Variants in CNTN4 observed in about 807,000 individuals in gnomAD.
CNTN4 encodes the protein contactin-4.
A neutral mutation model predicts 122.5 loss-of-function variants in CNTN4; 77 were observed. The observed-to-expected ratio is 0.63, with a 90% CI of 0.52 to 0.76. The LOEUF (loss-of-function observed/expected upper bound fraction) is 0.76, where lower values mean the gene tolerates loss of function less well. CNTN4 is among the 30% of genes least tolerant of loss of function. CNTN4 has a pLI of 0.00. For synonymous variants in CNTN4, 512 were observed against 447.0 expected, an observed-to-expected ratio of 1.15 and a Z score of -1.83; for missense variants, 1,256 against 1,259.1, an observed-to-expected ratio of 1.00 and a Z score of 0.04.
intron 14 of CNTN4, among the ~76,000 whole-genome samples, chr3:2,994,613 A>ATATATATGTG (rs370506181): frequency 3.5e-5 from 5 of 142,158 alleles, no homozygotes; most frequent in African/African-American, 1.0e-4. Context: ...ATATATATAT[A>ATATATATGTG]TGTGTGTATA....
chr3:2,199,713 C>T (rs1206448544), intron 2 of CNTN4, among the ~76,000 whole-genome samples: 1 of 152,110 alleles, frequency 6.6e-6, no homozygotes, highest in Non-Finnish European at 1.5e-5. Context: ...AGAAGACAGA[C>T]AGTAAATAAC....
At chr3:2,690,674 G>A (rs111570143) in intron 4 of CNTN4, among the ~76,000 whole-genome samples, 1 of 152,066 alleles carries the variant, frequency 6.6e-6, no homozygotes, top group South Asian at 2.1e-4. Flanking sequence ...GCCTATGGGG[G>A]CAAATCCTGA....
At chr3:2,848,866 G>A (rs192942275) in intron 7 of CNTN4, among the ~76,000 whole-genome samples, 2 of 152,242 alleles carry the variant, frequency 1.3e-5, no homozygotes, top group East Asian at 3.9e-4. Context: ...TGATTGGGCA[G>A]CCAGACGACA....
At chr3:2,270,845 A>T (rs1277659117) in intron 2 of CNTN4, among the ~76,000 whole-genome samples, 1 of 152,088 alleles carries the variant, frequency 6.6e-6, no homozygotes, top group Non-Finnish European at 1.5e-5. Context: ...CTGCCTCCCG[A>T]TGTGCAGTTG....
chr3:2,206,113 C>T (rs62247010), intron 2 of CNTN4, among the ~76,000 whole-genome samples: 1,636 of 152,040 alleles, frequency 0.011, 21 homozygotes, highest in Non-Finnish European at 0.018. Context: ...TTCCATGGAC[C>T]TTCTCCTCTT....
At chr3:2,837,410 G>T (rs1023368510) in intron 7 of CNTN4, among the ~76,000 whole-genome samples, 1 of 152,116 alleles carries the variant, frequency 6.6e-6, no homozygotes, top group Admixed American at 6.6e-5. Flanking sequence ...AAAATGCCTG[G>T]ATTGGCAGTA....
intron 4 of CNTN4, among the ~76,000 whole-genome samples, chr3:2,607,081 T>C (rs2081289443): frequency 6.6e-6 from 1 of 152,182 alleles, no homozygotes; most frequent in South Asian, 2.1e-4. Context: ...ACTTCTCTTG[T>C]TGAGTATTTG....
chr3:2,671,703 T>TC (rs1199416104), intron 4 of CNTN4, among the ~76,000 whole-genome samples: 1 of 152,154 alleles, frequency 6.6e-6, no homozygotes, highest in African/African-American at 2.4e-5. Context: ...CTCTGTTTTT[T>TC]CCCCATCTTT....
intron 7 of CNTN4, among the ~76,000 whole-genome samples, chr3:2,825,396 G>T (rs1392882370): frequency 6.6e-6 from 1 of 151,924 alleles, no homozygotes; most frequent in Non-Finnish European, 1.5e-5. Flanking sequence ...GCTAATTTTT[G>T]TATTTTTAGT....
At chr3:2,474,820 G>A (rs539507395) in intron 3 of CNTN4, among the ~76,000 whole-genome samples, 1 of 152,200 alleles carries the variant, frequency 6.6e-6, no homozygotes, top group South Asian at 2.1e-4. Flanking sequence ...GTTTATATTT[G>A]TAGTTTTAGA....
intron 2 of CNTN4, among the ~76,000 whole-genome samples, chr3:2,174,514 A>G (rs73098009): frequency 0.02 from 3,021 of 152,216 alleles, 106 homozygotes; most frequent in African/African-American, 0.07. Context: ...TAAAGGACCA[A>G]GGAACTCTCC....
chr3:2,102,493 C>T (rs556424021), intron 2 of CNTN4, among the ~76,000 whole-genome samples: 2 of 152,200 alleles, frequency 1.3e-5, no homozygotes, highest in East Asian at 1.9e-4. Context: ...AGGGATACTG[C>T]CTCAGATGTG....
chr3:2,599,576 A>C (rs899985446), intron 4 of CNTN4, among the ~76,000 whole-genome samples: 4 of 152,220 alleles, frequency 2.6e-5, no homozygotes, highest in African/African-American at 9.6e-5. Context: ...AGACACTCAG[A>C]CAGCCCATCT....
chr3:2,880,484 C>T (rs997793401), intron 8 of CNTN4, among the ~76,000 whole-genome samples: 20 of 152,150 alleles, frequency 1.3e-4, no homozygotes, highest in South Asian at 2.1e-4. Context: ...GATGATTCAA[C>T]GGTACGGGCT....
chr3:2,569,347 A>C (rs1219104335), intron 3 of CNTN4, among the ~76,000 whole-genome samples: 1 of 152,172 alleles, frequency 6.6e-6, no homozygotes, highest in Non-Finnish European at 1.5e-5. Flanking sequence ...GTGTTGGCCC[A>C]TGTTTTCATG....
chr3:2,144,862 G>A (rs1000817752), intron 2 of CNTN4, among the ~76,000 whole-genome samples: 2 of 152,152 alleles, frequency 1.3e-5, no homozygotes, highest in African/African-American at 2.4e-5. Context: ...TCTCAACATC[G>A]AAGCTGTCCT....
intron 7 of CNTN4, among the ~76,000 whole-genome samples, chr3:2,861,603 C>G (rs900739905): frequency 6.6e-6 from 1 of 152,180 alleles, no homozygotes; most frequent in African/African-American, 2.4e-5. Context: ...TTTATTAAAG[C>G]CAAAATTTGT....
At chr3:2,099,146 G>A (rs1201664188) in intron 1 of CNTN4, 168 bp downstream of exon 1, 2 of 152,238 alleles carry the variant, frequency 1.3e-5, no homozygotes, top group Non-Finnish European at 2.9e-5. Flanking sequence ...GCGTCTGCGG[G>A]GCCGTCCAGC....
intron 2 of CNTN4, among the ~76,000 whole-genome samples, chr3:2,226,070 GT>G (rs1269904400): frequency 6.6e-6 from 1 of 152,122 alleles, no homozygotes; most frequent in East Asian, 1.9e-4. Flanking sequence ...GAATAAATGT[GT>G]TTAAATACTG....
Sources: gnomAD v4.1 joint callset for allele counts (sites outside exome capture counted in the v4.1 genomes callset) on GRCh38, gnomAD v4.1.1 for gene constraint, MANE v1.5 for transcripts, NCBI Gene and HGNC (gene_info 2026-07-23, HGNC 2026-07-21) for gene names.